The following DENND4C variants were observed in gnomAD, a reference collection of about 807,000 sequenced individuals.
DENND4C encodes the protein DENN domain containing 4C, also known as DENN domain-containing protein 4C.
DENND4C carries 108 observed loss-of-function variants against 203.0 expected under a neutral mutation model. The ratio of observed to expected loss-of-function variants is 0.53; its 90% CI spans 0.46 to 0.62. The LOEUF is 0.62. Ranked by LOEUF, DENND4C falls within the 20% of genes least tolerant of loss-of-function variation. DENND4C has a pLI of 0.00. For missense variants in DENND4C, 2,481 were observed against 2,301.2 expected (o/e 1.08, Z -1.60); for synonymous variants, 871 against 792.4 (o/e 1.10, Z -1.67).
intron 9 of DENND4C, among the ~76,000 whole-genome samples, chr9:19,301,470 T>C (rs1838564519): frequency 6.6e-6 from 1 of 152,176 alleles, no homozygotes; most frequent in Admixed American, 6.5e-5. Flanking sequence ...GTCTCCAAGA[T>C]CTTAATCTGG....
chr9:19,368,087 GTATT>G (rs1828049958), intron 30 of DENND4C, among the ~76,000 whole-genome samples: 1 of 152,130 alleles, frequency 6.6e-6, no homozygotes, highest in Admixed American at 6.5e-5. Flanking sequence ...ATTGAATTGT[GTATT>G]TAAATTGGTG....
chr9:19,299,132 T>A (rs2087484988), intron 7 of DENND4C, 97 bp from the exon 8 acceptor site: 1 of 843,476 alleles, frequency 1.2e-6, no homozygotes, highest in South Asian at 1.9e-5. Flanking sequence ...AATATTACCT[T>A]TGATCTAAAT....
rs533134643 is a variant in DENND4C at position 19,243,081 on chromosome 9, T to C, written c.-18+12248T>C. Among the ~76,000 whole-genome samples the C allele has an allele frequency of 9.9e-4, 151 of 152,322 alleles. 1 individual carries two copies. The highest frequency in any genetic ancestry group is 2.4e-3 in the Admixed American group (36 of 15,288). On this transcript the variant is annotated intron_variant, in intron 1 of 32. Transcript: ENST00000434457. ...CAGTTTTGCAATCATTAGCATAATC[T>C]AATTTTAAAGGATTTTAATCACCCC...
intron 10 of DENND4C, among the ~76,000 whole-genome samples, chr9:19,309,930 T>A (rs2131445601): frequency 6.6e-6 from 1 of 152,320 alleles, no homozygotes. Flanking sequence ...GACCCATGAA[T>A]GTGATATTTC....
chr9:19,287,167 T>TAA, intron 3 of DENND4C, 146 bp downstream of exon 3: 10 of 826,562 alleles, frequency 1.2e-5, no homozygotes, highest in Non-Finnish European at 1.6e-5. Flanking sequence ...TGATTTGTAA[T>TAA]AATTTTTAAA....
chr9:19,297,535 A>T (rs1004269268), intron 6 of DENND4C, among the ~76,000 whole-genome samples: 1 of 152,212 alleles, frequency 6.6e-6, no homozygotes, highest in African/African-American at 2.4e-5. Flanking sequence ...GATAAAATCA[A>T]TGTATATAAT....
intron 30 of DENND4C, among the ~76,000 whole-genome samples, chr9:19,367,071 A>T (rs1228236096): frequency 6.6e-6 from 1 of 152,232 alleles, no homozygotes; most frequent in Non-Finnish European, 1.5e-5. Flanking sequence ...AAAATGTTCA[A>T]ATGGCCAAAA....
intron 4 of DENND4C, 45 bp from the exon 5 acceptor site, chr9:19,290,659 A>G: frequency 7.8e-7 from 1 of 1,288,158 alleles, no homozygotes. Flanking sequence ...AATTTATGGA[A>G]AAGTAACTAT....
chr9:19,270,443 G>T (rs1353077213), intron 1 of DENND4C, among the ~76,000 whole-genome samples: 1 of 152,126 alleles, frequency 6.6e-6, no homozygotes, highest in Non-Finnish European at 1.5e-5. Context: ...AATCTACTTG[G>T]TGCTTTATTT....
Position 19,254,721 on chromosome 9 carries a change from A to T in DENND4C, c.-17-21437A>T, listed in dbSNP as rs62560345. ...ATGGTCACTATGGGTGGTGGTGTTG[A>T]TTGTGTTAATTTGACTGTGGTAGTC... is the stretch of plus-strand genomic sequence containing the variant. On this transcript the variant is annotated intron_variant, in intron 1 of 32. Coordinates refer to ENST00000434457, the MANE Select transcript of DENND4C (RefSeq NM_001330640.2). Among the ~76,000 whole-genome samples, 171 of 152,308 alleles carry T rather than the reference A, an allele frequency of 1.1e-3. 3 individuals are homozygous for T. The Middle Eastern group carries it at 0.024, about 21-fold the overall frequency.
At chr9:19,367,148 C>T (rs1484047837) in intron 30 of DENND4C, among the ~76,000 whole-genome samples, 1 of 152,154 alleles carries the variant, frequency 6.6e-6, no homozygotes, top group Non-Finnish European at 1.5e-5. Flanking sequence ...AAGGAAATAA[C>T]ACTTCATACT....
chr9:19,312,701 T>C (rs1402187309), intron 10 of DENND4C, among the ~76,000 whole-genome samples: 1 of 152,186 alleles, frequency 6.6e-6, no homozygotes, highest in African/African-American at 2.4e-5. Context: ...TTTATAGTTA[T>C]TTGGACATTT....
intron 1 of DENND4C, among the ~76,000 whole-genome samples, chr9:19,246,321 C>T (rs1825243658): frequency 6.6e-6 from 1 of 152,166 alleles, no homozygotes; most frequent in African/African-American, 2.4e-5. Flanking sequence ...AAATTTATGA[C>T]CACACATATC....
chr9:19,278,563 G>T (rs1833384541), intron 2 of DENND4C, among the ~76,000 whole-genome samples: 1 of 152,180 alleles, frequency 6.6e-6, no homozygotes, highest in Non-Finnish European at 1.5e-5. Flanking sequence ...CTCCATGGAA[G>T]TCGGAATCCA....
At position 19,302,089 on chromosome 9, in the gene DENND4C, T is replaced by C. The variant is rs75373478; in HGVS notation, c.1311+1758T>C. Among the ~76,000 whole-genome samples the C allele has an allele frequency of 6.4e-3, 972 of 152,306 alleles. 10 individuals carry two copies. Among genetic ancestry groups the C allele is most frequent in the African/African-American group, 0.021 (883 of 41,560 alleles). ...GTGCTACATGGAATTGGTAATCATA[T>C]GAAAAATGCCAGAGTATATGAGGTT... On this transcript the variant is annotated intron_variant, in intron 9 of 32. Coordinates refer to ENST00000434457, the MANE Select transcript of DENND4C (RefSeq NM_001330640.2).
intron 16 of DENND4C, among the ~76,000 whole-genome samples, chr9:19,330,826 G>A (rs565045138): frequency 6.6e-6 from 1 of 151,980 alleles, no homozygotes; most frequent in Non-Finnish European, 1.5e-5. Context: ...GAGGTGGGCA[G>A]ATCACCTGAG....
chr9:19,289,620 G>C (rs1424928523), intron 4 of DENND4C, among the ~76,000 whole-genome samples: 2 of 152,114 alleles, frequency 1.3e-5, no homozygotes, highest in Non-Finnish European at 2.9e-5. Context: ...CTTGAGGCCA[G>C]GAGTTTGAGA....
chr9:19,346,097 A>G lies in DENND4C; in HGVS notation c.3328A>G (p.Ser1110Gly). 1 of 1,614,224 alleles carries G rather than the reference A, an allele frequency of 6.2e-7. No homozygotes were observed. Among genetic ancestry groups the G allele is most frequent in the East Asian group, 2.2e-5 (1 of 44,884 alleles). The stretch of plus-strand genomic sequence containing the variant: ...AGCAGGAATGTTGCTTAAGAAGAGT[A>G]GTTTGGATTCGAATTCAAGTGAAAT... ...SRAGMLLKKS[S>G]LDSNSSEMAI... Residue 1110 changes from serine (S) to glycine (G), a missense_variant, in exon 23 of 33, where the codon AGT becomes GGT. Transcript: ENST00000434457.
chr9:19,316,656 A>G lies in DENND4C; in HGVS notation c.1624A>G (p.Met542Val). ...AACTCAAGAAGGCTCAGCGATTGAC[A>G]TGACTCCAATTGAAGCAGATTTCTC... ...QKTQEGSAID[M>V]TPIEADFSWQ... is the part of the protein sequence containing the mutation. Residue 542 changes from methionine to valine, a missense_variant, in exon 12 of 33, where the codon ATG becomes GTG. By Grantham distance (21) the Met-to-Val change is conservative (BLOSUM62 1). Around this residue, in one of 3 missense-constraint regions of DENND4C, gnomAD observed 2,289 missense variants for 2,113.3 expected, o/e 1.08. Coordinates refer to ENST00000434457, the MANE Select transcript of DENND4C (RefSeq NM_001330640.2). 1.9e-6 allele frequency: 3 copies of G among 1,614,118 alleles called. No homozygotes were observed. The highest frequency in any genetic ancestry group is 1.1e-5 in the South Asian group (1 of 91,082).
Sources: allele counts gnomAD v4.1 joint callset (sites outside exome capture counted in the v4.1 genomes callset), GRCh38; gene constraint gnomAD v4.1.1; regional missense constraint gnomAD v4.1.1; transcripts MANE v1.5; gene names NCBI Gene and HGNC (gene_info 2026-07-23, HGNC 2026-07-21).